Variants in PHF12 observed in about 807,000 individuals in gnomAD.
The protein encoded by PHF12 is PHD finger protein 12.
PHF12 carries 6 observed loss-of-function variants against 99.8 expected under a neutral mutation model. That is an observed-to-expected ratio of 0.06 (90% CI 0.03 to 0.12). PHF12 has a LOEUF of 0.12. PHF12 is among the 10% of genes least tolerant of loss of function. The pLI, the probability that PHF12 is intolerant of heterozygous loss-of-function variation, is 1.00. For synonymous variants in PHF12, 480 were observed against 514.9 expected (o/e 0.93, Z 0.92); for missense variants, 954 against 1,300.1 (o/e 0.73, Z 4.09).
At chr17:28,920,709 C>T (rs2040147302) in intron 5 of PHF12, among the ~76,000 whole-genome samples, 1 of 151,962 alleles carries the variant, frequency 6.6e-6, no homozygotes, top group Middle Eastern at 3.4e-3. Flanking sequence ...ACTACAGGTG[C>T]GTGCCACCAC....
intron 6 of PHF12, 37 bp from the exon 7 acceptor site, chr17:28,917,486 C>A (rs773117838): frequency 1.3e-6 from 2 of 1,560,382 alleles, no homozygotes; most frequent in East Asian, 4.5e-5. Flanking sequence ...TGGTGAGCCT[C>A]AAAAGGCACC....
rs1308708452 is a variant in PHF12, at chr17:28,950,194, C to T, written c.119G>A (p.Ser40Asn). Residue 40 changes from serine (S) to asparagine (N), a missense_variant, in exon 2 of 15, where the codon AGT becomes AAT. Ser to Asn is a conservative substitution (Grantham distance 46, BLOSUM62 1). Coordinates refer to ENST00000332830, the MANE Select transcript of PHF12 (RefSeq NM_001033561.2). This position sits in a 1 kb window ranked among gnomAD's most constrained non-coding sequence, Gnocchi z 5.7. The stretch of plus-strand genomic sequence containing the variant: ...CCGGGGCTCCTTCTCAGGCTTCCGA[C>T]TGCGCTTTTCTGCCTCGTCCGTCTT... ...PPKTDEAEKR[S>N]RKPEKEPRRS... is the part of the protein sequence containing the mutation. 5 of 1,613,264 alleles carry T rather than the reference C, an allele frequency of 3.1e-6. No individual in the cohort carries two copies. The highest frequency in any genetic ancestry group is 1.7e-5 in the Admixed American group (1 of 60,016).
rs757316429 is a variant in PHF12, at chr17:28,911,155, C to T, written c.2172G>A (p.Val724=). The T allele has an allele frequency of 6.2e-7, 1 of 1,614,162 alleles. No individual in the cohort carries two copies. Among genetic ancestry groups the T allele is most frequent in the South Asian group, 1.1e-5 (1 of 91,088 alleles). The change falls in exon 10 of 15, where the codon GTG becomes GTA. Residue 724 remains valine, a synonymous_variant. Transcript: ENST00000332830. ...ATGCTCGAAGTGAGTTGGTGAGGTC[C>T]ACCATGGCAGTAGAGTTGGCTGGGA... ...PSFPANSTAM[V]DLTNSLRAFM...
At chr17:28,938,928 T>C (rs1337551637) in intron 2 of PHF12, among the ~76,000 whole-genome samples, 1 of 152,216 alleles carries the variant, frequency 6.6e-6, no homozygotes, top group Non-Finnish European at 1.5e-5. Flanking sequence ...AGATGGTCCC[T>C]AACCAAAGAA....
At position 28,927,054 on chromosome 17, in the gene PHF12, T is replaced by C. The variant is rs1297315525; in HGVS notation, c.258A>G (p.Pro86=). Residue 86 remains proline (P), a synonymous_variant, in exon 3 of 15, where the codon CCA becomes CCG. Transcript: ENST00000332830. ...AAFHLQCCNP[P]LSEEMLPPGE... ...CAGGAGGCAACATTTCTTCACTCAGTGGAGGGTTACTGTGGGGAACAGACA... is the reference window on the plus strand; with the variant it reads ...CAGGAGGCAACATTTCTTCACTCAGCGGAGGGTTACTGTGGGGAACAGACA... 3 of 1,613,968 alleles carry C rather than the reference T, an allele frequency of 1.9e-6. No homozygotes were observed. Among genetic ancestry groups the C allele is most frequent in the East Asian group, 2.2e-5 (1 of 44,880 alleles).
rs1661864269 is a variant in PHF12, at chr17:28,917,457, C to T, written c.970-8G>A. 3.8e-6 allele frequency: 6 copies of T among 1,594,624 alleles called. No homozygotes were observed. Among genetic ancestry groups the T allele is most frequent in the Middle Eastern group, 1.7e-4 (1 of 5,990 alleles). ...CATATTCTTCTGGTTCAGCTAGGGACAAAGCAGACACAACCTTGTGGTGAG... is the reference window on the plus strand; with the variant it reads ...CATATTCTTCTGGTTCAGCTAGGGATAAAGCAGACACAACCTTGTGGTGAG... On this transcript the variant is annotated splice_polypyrimidine_tract_variant and splice_region_variant and intron_variant, in intron 6 of 14. Coordinates refer to ENST00000332830, the MANE Select transcript of PHF12 (RefSeq NM_001033561.2).
rs113146721 is a variant in PHF12 at position 28,945,961 on chromosome 17, C to A, written c.248+4104G>T. Among the ~76,000 whole-genome samples, 53 of 152,292 alleles carry A rather than the reference C, an allele frequency of 3.5e-4. 1 individual carries two copies. The highest frequency in any genetic ancestry group is 1.2e-3 in the African/African-American group (50 of 41,554). On this transcript the variant is annotated intron_variant, in intron 2 of 14. Coordinates refer to ENST00000332830, the MANE Select transcript of PHF12 (RefSeq NM_001033561.2). ...CCAGCCTGACCAACACGGTGAAACC[C>A]TGTCTCTACTAAAAATACAAGAAAA...
chr17:28,932,378 C>A (rs1434190466), intron 2 of PHF12, among the ~76,000 whole-genome samples: 1 of 152,144 alleles, frequency 6.6e-6, no homozygotes, highest in Non-Finnish European at 1.5e-5. Flanking sequence ...AAATGGTCCG[C>A]TTGCCTCTGC....
At chr17:28,945,932 G>C (rs1382428003) in intron 2 of PHF12, among the ~76,000 whole-genome samples, 6 of 152,082 alleles carry the variant, frequency 3.9e-5, no homozygotes, top group Admixed American at 6.5e-5. Context: ...TCAGGAGTTC[G>C]AGACCAGCCT....
At position 28,917,372 on chromosome 17, in the gene PHF12, G is replaced by A. The variant is rs775096182; in HGVS notation, c.1047C>T (p.Val349=). ...DRFQDTVSQH[V]VKVDFLNRIH... The stretch of plus-strand genomic sequence containing the variant: ...TTCGGTTCAGGAAGTCCACTTTGAC[G>A]ACATGCTGCGAAACGGTGTCCTGGA... Residue 349 remains valine, a synonymous_variant, in exon 7 of 15, where the codon GTC becomes GTT. Coordinates refer to ENST00000332830, the MANE Select transcript of PHF12 (RefSeq NM_001033561.2). The A allele has an allele frequency of 1.1e-5, 17 of 1,614,016 alleles. No homozygotes were observed. Among genetic ancestry groups the A allele is most frequent in the Middle Eastern group, 1.6e-4 (1 of 6,082 alleles).
chr17:28,939,943 C>T (rs931905548), intron 2 of PHF12, among the ~76,000 whole-genome samples: 2 of 152,186 alleles, frequency 1.3e-5, no homozygotes, highest in Admixed American at 6.5e-5. Context: ...ACGAGCCTCA[C>T]GCAGAGAGCC....
intron 2 of PHF12, among the ~76,000 whole-genome samples, chr17:28,931,830 C>T (rs996119143): frequency 1.3e-5 from 2 of 152,076 alleles, no homozygotes; most frequent in African/African-American, 4.8e-5. Context: ...AATCTGCCTA[C>T]CTCGGCCTCC....
chr17:28,930,432 C>T (rs1486004335), intron 2 of PHF12, among the ~76,000 whole-genome samples: 1 of 152,190 alleles, frequency 6.6e-6, no homozygotes, highest in Non-Finnish European at 1.5e-5. Context: ...AACTGGGGAA[C>T]ACTAAGGAAT....
chr17:28,929,011 G>A (rs2040341131), intron 2 of PHF12, among the ~76,000 whole-genome samples: 1 of 151,470 alleles, frequency 6.6e-6, no homozygotes, highest in Non-Finnish European at 1.5e-5. Context: ...CAGGAGAATC[G>A]CTTGAACCTG....
rs35263191 is a variant in PHF12, at chr17:28,923,653, C to CAAAA, written c.715+252_715+255dup. 2.1e-3 allele frequency among the ~76,000 whole-genome samples: 92 copies of CAAAA among 43,152 alleles called. 2 individuals are homozygous for CAAAA. Among genetic ancestry groups the CAAAA allele is most frequent in the African/African-American group, 4.0e-3 (42 of 10,376 alleles). 28.3% of individuals were successfully genotyped at this position (43,152 alleles called of 152,430 possible). A position where few individuals can be genotyped will look rare whatever the true frequency, so the allele number is the denominator to read the frequency against. On this transcript the variant is annotated intron_variant, in intron 4 of 14. Transcript: ENST00000332830. ...AGCCTGAGTGACAAAGTGAGACTCA[C>CAAAA]AAAAAAAAAAAAAAAAAAAAAAGGA...
chr17:28,940,986 C>T (rs1032194522), intron 2 of PHF12, among the ~76,000 whole-genome samples: 2 of 151,766 alleles, frequency 1.3e-5, no homozygotes, highest in African/African-American at 4.8e-5. Context: ...CCATGTTGTA[C>T]TCCCTGGGGC....
chr17:28,942,211 T>C (rs919199188), intron 2 of PHF12, among the ~76,000 whole-genome samples: 1 of 152,216 alleles, frequency 6.6e-6, no homozygotes, highest in African/African-American at 2.4e-5. Context: ...AATATAGGCA[T>C]AGATATTAAA....
Position 28,951,115 on chromosome 17 carries a change from C to T in PHF12, c.-155G>A, listed in dbSNP as rs1425556848. ...GCCCTGGCTCCCCCCCACCCCCCGG[C>T]CCCCAGTCCCCGGGACGACAGCGTC... On this transcript the variant is annotated 5_prime_UTR_variant, in exon 1 of 15. Transcript: ENST00000332830. 2 of 1,448,956 alleles carry T rather than the reference C, an allele frequency of 1.4e-6. No individual in the cohort carries two copies. The highest frequency in any genetic ancestry group is 1.8e-6 in the Non-Finnish European group (2 of 1,102,234). The allele number at this position is 1,448,956 out of a possible 1,614,324, so 89.8% of individuals were successfully genotyped here.
chr17:28,907,112 C>G (rs2039884978), intron 13 of PHF12, 118 bp from the exon 14 acceptor site: 1 of 1,213,460 alleles, frequency 8.2e-7, no homozygotes, highest in Admixed American at 2.4e-5. Flanking sequence ...TTACTTGCCT[C>G]CCCAGTCATG....
Sources: allele counts gnomAD v4.1 joint callset (sites outside exome capture counted in the v4.1 genomes callset), GRCh38; gene constraint gnomAD v4.1.1; non-coding constraint Gnocchi (gnomAD v3.1); transcripts MANE v1.5; gene names NCBI Gene and HGNC (gene_info 2026-07-23, HGNC 2026-07-21).